Variants in VPS8 observed in about 807,000 individuals in gnomAD.
VPS8 encodes VPS8 subunit of CORVET complex.
Under a neutral mutation model 216.4 loss-of-function variants are expected in VPS8, and 129 were observed. That is an observed-to-expected ratio of 0.60 (90% CI 0.52 to 0.69). VPS8 has a LOEUF of 0.69. Ranked by LOEUF, VPS8 falls within the 30% of genes least tolerant of loss-of-function variation. The pLI, the probability that VPS8 is intolerant of heterozygous loss-of-function variation, is 0.00. For missense variants in VPS8, 1,531 were observed against 1,683.5 expected, an observed-to-expected ratio of 0.91 and a Z score of 1.59; for synonymous variants, 571 against 565.4, an observed-to-expected ratio of 1.01 and a Z score of -0.14.
intron 1 of VPS8, among the ~76,000 whole-genome samples, chr3:184,813,183 C>T (rs1371906269): frequency 6.6e-6 from 1 of 152,034 alleles, no homozygotes; most frequent in African/African-American, 2.4e-5. Context: ...GCTGGGGAGC[C>T]TTCTTTAAAT....
chr3:184,814,251 T>C (rs1377196344), intron 1 of VPS8, among the ~76,000 whole-genome samples: 1 of 152,238 alleles, frequency 6.6e-6, no homozygotes, highest in African/African-American at 2.4e-5. Flanking sequence ...CTAAATCCAG[T>C]GACTCCAGTG....
chr3:185,005,719 C>T (rs1481647779), intron 45 of VPS8, among the ~76,000 whole-genome samples: 1 of 151,896 alleles, frequency 6.6e-6, no homozygotes, highest in Non-Finnish European at 1.5e-5. Flanking sequence ...TGGTGTATAG[C>T]AGTGCTGCTG....
intron 22 of VPS8, among the ~76,000 whole-genome samples, chr3:184,890,659 AATC>A (rs927347205): frequency 4.6e-5 from 7 of 152,090 alleles, no homozygotes; most frequent in African/African-American, 1.7e-4. Context: ...TATAATGTAA[AATC>A]ATTTTTACTA....
intron 45 of VPS8, among the ~76,000 whole-genome samples, chr3:185,022,909 A>G (rs1756855365): frequency 6.6e-6 from 1 of 151,836 alleles, no homozygotes; most frequent in African/African-American, 2.4e-5. Context: ...AACCTTTCTT[A>G]TTTTCCAATA....
At chr3:185,023,718 C>T (rs1387259090) in intron 45 of VPS8, among the ~76,000 whole-genome samples, 1 of 152,224 alleles carries the variant, frequency 6.6e-6, no homozygotes, top group East Asian at 1.9e-4. Context: ...TTGTCGCCAT[C>T]CTTTTCCTTT....
intron 44 of VPS8, among the ~76,000 whole-genome samples, chr3:184,997,389 G>A (rs961164787): frequency 1.3e-5 from 2 of 152,208 alleles, no homozygotes; most frequent in African/African-American, 4.8e-5. Flanking sequence ...AGGATTGAAT[G>A]AGATGATTTA....
At chr3:184,859,864 G>T in intron 14 of VPS8, 121 bp from the exon 15 acceptor site, 7 of 592,534 alleles carry the variant, frequency 1.2e-5, no homozygotes, top group South Asian at 5.5e-5. Context: ...AGTATTTTTG[G>T]CTTATCTACA....
chr3:184,878,587 G>A (rs889289884), intron 21 of VPS8, among the ~76,000 whole-genome samples: 57 of 152,288 alleles, frequency 3.7e-4, no homozygotes, highest in African/African-American at 1.2e-3. Flanking sequence ...AACACAGAGC[G>A]AGGCAGTAGG....
intron 16 of VPS8, among the ~76,000 whole-genome samples, chr3:184,863,759 A>G (rs1056892399): frequency 2.0e-5 from 3 of 152,228 alleles, no homozygotes; most frequent in Non-Finnish European, 4.4e-5. Flanking sequence ...TAGGAAATTT[A>G]GACCATTGTG....
chr3:184,942,916 G>A (rs988923414), intron 36 of VPS8, among the ~76,000 whole-genome samples: 1 of 152,148 alleles, frequency 6.6e-6, no homozygotes, highest in Non-Finnish European at 1.5e-5. Flanking sequence ...AGGTTAAGAA[G>A]GTTGAGTGCC....
chr3:184,936,249 C>T lies in VPS8; in HGVS notation c.2902C>T (p.Leu968Phe), dbSNP rs753383256. The T allele has an allele frequency of 1.2e-6, 2 of 1,606,414 alleles. No individual in the cohort carries two copies. The highest frequency in any genetic ancestry group is 2.2e-5 in the South Asian group (2 of 89,192). ...TTGTCTTTTCCTTTAACTCCAGGAA[C>T]TCGTGTCCCTGAAGCCTTGTAAAGC... ...WQKAMDHIEE[L>F]VSLKPCKAAE... The change falls in exon 35 of 48, where the codon CTC becomes TTC. Residue 968 changes from leucine to phenylalanine, a missense_variant. Leu to Phe is a conservative substitution (Grantham distance 22, BLOSUM62 0). This residue lies in a region of VPS8 where 1,318 missense variants were observed against 1,468.4 expected (regional missense o/e 0.90). Coordinates refer to ENST00000625842, the MANE Select transcript of VPS8 (RefSeq NM_001009921.3).
At chr3:184,840,791 T>G (rs755688917) in intron 7 of VPS8, among the ~76,000 whole-genome samples, 41 of 152,238 alleles carry the variant, frequency 2.7e-4, no homozygotes, top group Non-Finnish European at 4.9e-4. Flanking sequence ...TTCTGGATAT[T>G]AAGTCATTTC....
chr3:184,915,244 C>T (rs1737330484), intron 27 of VPS8, 111 bp from the exon 28 acceptor site: 9 of 1,400,796 alleles, frequency 6.4e-6, no homozygotes, highest in Non-Finnish European at 8.7e-6. Context: ...AATACAGTAG[C>T]AATTTAAACT....
chr3:184,963,993 T>C (rs1746969843), intron 37 of VPS8, among the ~76,000 whole-genome samples: 2 of 152,090 alleles, frequency 1.3e-5, no homozygotes, highest in African/African-American at 4.8e-5. Context: ...AATCTCTCTT[T>C]GCTGTCATTT....
intron 3 of VPS8, among the ~76,000 whole-genome samples, chr3:184,827,512 A>G (rs909036767): frequency 3.9e-5 from 6 of 152,230 alleles, no homozygotes; most frequent in African/African-American, 1.4e-4. Flanking sequence ...GATTAATTTT[A>G]GTCAGTTTTG....
chr3:184,910,156 G>A (rs976678549), intron 25 of VPS8, among the ~76,000 whole-genome samples: 4 of 138,568 alleles, frequency 2.9e-5, no homozygotes, highest in African/African-American at 8.5e-5. Context: ...TTTTTGAGAC[G>A]GAGTCTCATT....
At chr3:184,828,441 T>A (rs1719285174) in intron 3 of VPS8, among the ~76,000 whole-genome samples, 1 of 152,142 alleles carries the variant, frequency 6.6e-6, no homozygotes, top group South Asian at 2.1e-4. Flanking sequence ...ACCTGGCCGA[T>A]GCTTTTTAAA....
chr3:184,999,963 C>G, intron 45 of VPS8, 102 bp downstream of exon 45: 1 of 1,303,932 alleles, frequency 7.7e-7, no homozygotes, highest in African/African-American at 1.5e-5. Flanking sequence ...AACAAATTTA[C>G]CTGGTGGGTA....
Position 184,824,784 on chromosome 3 carries a change from TG to T in VPS8, c.153+1del. On this transcript the variant is annotated frameshift_variant and splice_region_variant, in exon 2 of 48. Transcript: ENST00000625842. LOFTEE classifies it high-confidence loss of function. ...MDKELEFKND[L>X]IDDKEFDIPQ... ...AAGGAACTGGAGTTCAAAAATGATC[TG>T]GTAAAAATTTCAATTTCTGTCAAGT... 1.2e-6 allele frequency: 2 copies of T among 1,604,316 alleles called. No homozygotes were observed. The highest frequency in any genetic ancestry group is 1.7e-6 in the Non-Finnish European group (2 of 1,174,734).
Sources: allele counts gnomAD v4.1 joint callset (sites outside exome capture counted in the v4.1 genomes callset), GRCh38; gene constraint gnomAD v4.1.1; regional missense constraint gnomAD v4.1.1; transcripts MANE v1.5; gene names NCBI Gene and HGNC (gene_info 2026-07-23, HGNC 2026-07-21).